Variants in TANC2 observed in about 807,000 individuals in gnomAD.
TANC2 encodes tetratricopeptide repeat, ankyrin repeat and coiled-coil containing 2.
In TANC2, 26 loss-of-function variants were observed where a neutral mutation model predicts 210.5. The observed-to-expected ratio is 0.12, with a 90% CI of 0.09 to 0.17. The LOEUF is 0.17. Among genes scored for constraint, TANC2 ranks in the 10% least tolerant of loss-of-function variants. The pLI is 1.00. For synonymous variants in TANC2, 931 were observed against 967.1 expected (o/e 0.96, Z 0.69); for missense variants, 2,129 against 2,608.9 (o/e 0.82, Z 4.01).
chr17:63,073,372 A>T (rs999164386), intron 2 of TANC2, among the ~76,000 whole-genome samples: 1 of 151,280 alleles, frequency 6.6e-6, no homozygotes, highest in Non-Finnish European at 1.5e-5. Context: ...GTTATTTCTT[A>T]AAAGAAGATG....
At chr17:63,083,556 G>A (rs2036854514) in intron 3 of TANC2, among the ~76,000 whole-genome samples, 1 of 152,164 alleles carries the variant, frequency 6.6e-6, no homozygotes, top group Admixed American at 6.5e-5. Flanking sequence ...TTACCCAGTA[G>A]ATACTTCTCT....
At chr17:63,071,255 A>G (rs1277227246) in intron 2 of TANC2, among the ~76,000 whole-genome samples, 2 of 152,132 alleles carry the variant, frequency 1.3e-5, no homozygotes, top group African/African-American at 2.4e-5. Context: ...GGGTATACAG[A>G]ATGTCAGGTG....
At chr17:63,060,875 A>C (rs935407678) in intron 2 of TANC2, among the ~76,000 whole-genome samples, 1 of 152,106 alleles carries the variant, frequency 6.6e-6, no homozygotes, top group Admixed American at 6.6e-5. Flanking sequence ...GTGTATTTTA[A>C]ATATCTTTTT....
exon 14 of TANC2, chr17:63,355,033 A>T (rs772518691): frequency 6.2e-7 from 1 of 1,613,914 alleles, no homozygotes; most frequent in East Asian, 2.2e-5. Context: ...GAGAAAGGCT[A>T]TCTAGTGTTA....
At chr17:63,131,075 A>T (rs879458677) in intron 4 of TANC2, 2 of 152,224 alleles carry the variant, frequency 1.3e-5, no homozygotes, top group Non-Finnish European at 2.9e-5. Flanking sequence ...ACTGCATGGA[A>T]ACACAGGAAA....
intron 7 of TANC2, among the ~76,000 whole-genome samples, chr17:63,212,437 G>C (rs1312749923): frequency 6.6e-6 from 1 of 152,108 alleles, no homozygotes; most frequent in African/African-American, 2.4e-5. Flanking sequence ...CATTCAAGCA[G>C]AAGGAATGGT....
chr17:63,411,679 C>A, exon 22 of TANC2: 1 of 1,611,268 alleles, frequency 6.2e-7, no homozygotes, highest in Non-Finnish European at 8.5e-7. Context: ...TATGGCGATG[C>A]TGAGGTGGTA....
chr17:63,194,078 A>G, exon 6 of TANC2: 1 of 1,613,360 alleles, frequency 6.2e-7, no homozygotes, highest in East Asian at 2.2e-5. Flanking sequence ...CTCCTTGGAG[A>G]GAAAGTCACA....
chr17:63,340,181 G>A (rs778320957), exon 12 of TANC2: 4 of 1,613,894 alleles, frequency 2.5e-6, no homozygotes, highest in East Asian at 2.2e-5. Flanking sequence ...TTGCTGCCTT[G>A]CTCTGCCGCT....
intron 17 of TANC2, chr17:63,391,537 T>TAA (rs1174033944): frequency 6.6e-6 from 1 of 152,162 alleles, no homozygotes; most frequent in East Asian, 1.9e-4. Context: ...AAAGAGGTGT[T>TAA]AAAGTCTCTT....
Position 63,126,564 on chromosome 17 carries a change from A to G in TANC2, c.323-24706A>G, listed in dbSNP as rs193115134. On this transcript the variant is annotated intron_variant, in intron 4 of 27. Coordinates refer to ENST00000689528, the Ensembl canonical transcript of TANC2. ...GCTGGGACTACAGGTGCATGCCACC[A>G]CACTGGCTGATTTTTTTATTTTTTA... is the stretch of plus-strand genomic sequence containing the variant. 1.8e-4 allele frequency among the ~76,000 whole-genome samples: 28 copies of G among 152,236 alleles called. 1 individual carries two copies. The East Asian group carries it at 5.2e-3, about 28-fold the overall frequency.
At chr17:63,317,027 G>A (rs2045337570) in intron 10 of TANC2, among the ~76,000 whole-genome samples, 1 of 151,642 alleles carries the variant, frequency 6.6e-6, no homozygotes, top group South Asian at 2.1e-4. Flanking sequence ...ATTAAGCTTG[G>A]ATGGGTCATT....
chr17:63,421,877 G>A lies in TANC2; in HGVS notation c.6147G>A (p.Arg2049=). The stretch of plus-strand genomic sequence containing the variant: ...AGGCATACCAGGACAACCTGTACAG[G>A]CAGCTGTCCCGAGACTCTCGGCAAG... Residue 2049 remains arginine (R), a synonymous_variant, in exon 28 of 28, where the codon AGG becomes AGA. Transcript: ENST00000689528. This position sits in a 1 kb window ranked among gnomAD's most constrained non-coding sequence, Gnocchi z 6.9. 2 of 1,614,006 alleles carry A rather than the reference G, an allele frequency of 1.2e-6. No individual in the cohort carries two copies. Among genetic ancestry groups the A allele is most frequent in the Non-Finnish European group, 1.7e-6 (2 of 1,179,882 alleles).
chr17:63,100,373 A>C (rs1349973041), intron 4 of TANC2, among the ~76,000 whole-genome samples: 1 of 152,116 alleles, frequency 6.6e-6, no homozygotes, highest in Non-Finnish European at 1.5e-5. Flanking sequence ...TATTATTGGC[A>C]TTTTCAAAAA....
intron 12 of TANC2, among the ~76,000 whole-genome samples, chr17:63,348,404 AAAAT>A (rs1409905497): frequency 6.6e-6 from 1 of 152,192 alleles, no homozygotes; most frequent in Non-Finnish European, 1.5e-5. Context: ...CAAGGGATTA[AAAAT>A]AAGGATTTTA....
At position 63,326,791 on chromosome 17, in the gene TANC2, CA is replaced by C. The variant is rs1360986084; in HGVS notation, c.1575+7704del. The stretch of plus-strand genomic sequence containing the variant: ...TTGCATGACCAAAAAATACCAGAAA[CA>C]AAGTCAAAAGACAACTGATAAACTG... On this transcript the variant is annotated intron_variant, in intron 11 of 27. Transcript: ENST00000689528. 2.0e-5 allele frequency among the ~76,000 whole-genome samples: 3 copies of C among 151,308 alleles called. No individual in the cohort carries two copies. In the East Asian group the frequency reaches 5.8e-4, roughly 29 times the overall value.
chr17:63,051,208 A>T (rs75337715), intron 2 of TANC2, among the ~76,000 whole-genome samples: 4,513 of 152,294 alleles, frequency 0.03, 84 homozygotes, highest in South Asian at 0.038. Flanking sequence ...ATTATGCCTC[A>T]GCCTACTTTT....
At chr17:62,993,459 G>A (rs2032966711) in intron 1 of TANC2, among the ~76,000 whole-genome samples, 1 of 152,176 alleles carries the variant, frequency 6.6e-6, no homozygotes, top group Non-Finnish European at 1.5e-5. Flanking sequence ...CATGGACATG[G>A]ATGTCTTTCC....
chr17:63,335,694 A>C (rs1466824750), intron 11 of TANC2, among the ~76,000 whole-genome samples: 1 of 152,100 alleles, frequency 6.6e-6, no homozygotes, highest in Non-Finnish European at 1.5e-5. Flanking sequence ...AAGAAAAATA[A>C]CTAAATACAG....
Sources: allele counts gnomAD v4.1 joint callset (sites outside exome capture counted in the v4.1 genomes callset), GRCh38; gene constraint gnomAD v4.1.1; non-coding constraint Gnocchi (gnomAD v3.1); transcripts MANE v1.5; gene names NCBI Gene and HGNC (gene_info 2026-07-23, HGNC 2026-07-21).